The following OTOG variants were observed in gnomAD, a reference collection of about 807,000 sequenced individuals.
OTOG encodes the protein otogelin.
In OTOG, 296 loss-of-function variants were observed where a neutral mutation model predicts 313.8. The observed-to-expected ratio is 0.94, with a 90% CI of 0.86 to 1.04. The LOEUF is 1.04. Ranked by LOEUF, OTOG falls within the 50% of genes least tolerant of loss-of-function variation. The probability of loss-of-function intolerance (pLI) is 0.00; values close to 1 mark genes in which losing one functional copy is unlikely to be tolerated. For missense variants in OTOG, 3,948 were observed against 3,840.1 expected (o/e 1.03, Z -0.74); for synonymous variants, 1,533 against 1,554.9 (o/e 0.99, Z 0.33).
intron 6 of OTOG, 62 bp downstream of exon 6, chr11:17,553,581 G>A: frequency 7.5e-7 from 1 of 1,326,174 alleles, no homozygotes. Context: ...GGCTGCACTG[G>A]CCTGGGCTCT....
chr11:17,608,656 T>C (rs563131859), intron 34 of OTOG, among the ~76,000 whole-genome samples: 2 of 152,370 alleles, frequency 1.3e-5, no homozygotes, highest in South Asian at 4.1e-4. Context: ...GTGCATTCGT[T>C]GTACACAGCT....
At position 17,613,701 on chromosome 11, in the gene OTOG, G is replaced by A; in HGVS notation, c.6528G>A (p.Lys2176=). ...HQVTIDRFNR[K]VTVDLQPVWP... is the part of the protein sequence containing the mutation. ...TCACTATTGATCGCTTCAACCGAAA[G>A]GTGAGTGCATCAAACAGCCAGCCTC... The change falls in exon 39 of 56, where the codon AAG becomes AAA. Residue 2176 remains lysine (K), a splice_region_variant and synonymous_variant. Transcript: ENST00000399397. 1 of 1,550,532 alleles carries A rather than the reference G, an allele frequency of 6.4e-7. No homozygotes were observed. Among genetic ancestry groups the A allele is most frequent in the Non-Finnish European group, 8.7e-7 (1 of 1,146,896 alleles).
intron 15 of OTOG, among the ~76,000 whole-genome samples, chr11:17,563,593 C>T (rs541610275): frequency 1.1e-4 from 16 of 152,338 alleles, no homozygotes; most frequent in Admixed American, 5.2e-4. Flanking sequence ...TGGCATAAGA[C>T]AGACAAGACA....
intron 39 of OTOG, among the ~76,000 whole-genome samples, chr11:17,628,559 C>T: frequency 6.6e-6 from 1 of 152,046 alleles, no homozygotes; most frequent in East Asian, 1.9e-4. Context: ...TGATTGAGCC[C>T]CTATTTATGT....
chr11:17,609,084 C>T (rs1853460515), intron 34 of OTOG, 46 bp from the exon 35 acceptor site: 4 of 1,439,666 alleles, frequency 2.8e-6, no homozygotes, highest in Non-Finnish European at 3.8e-6. Context: ...AGAGATGGCC[C>T]TGCCTGTATT....
At position 17,639,406 on chromosome 11, in the gene OTOG, C is replaced by A; in HGVS notation, c.7895-17C>A. The A allele has an allele frequency of 6.4e-7, 1 of 1,550,618 alleles. No individual in the cohort carries two copies. The highest frequency in any genetic ancestry group is 8.7e-7 in the Non-Finnish European group (1 of 1,146,972). On this transcript the variant is annotated splice_polypyrimidine_tract_variant and intron_variant, in intron 48 of 55. Coordinates refer to ENST00000399397, the MANE Select transcript of OTOG (RefSeq NM_001292063.2). The stretch of plus-strand genomic sequence containing the variant: ...ACATCCCTGATGAAGTGGGGCCTGG[C>A]CCCTTGTGTTTTTCAGAATGTGACT...
chr11:17,552,972 G>A (rs1023836027), intron 4 of OTOG, 147 bp from the exon 5 acceptor site: 7 of 723,232 alleles, frequency 9.7e-6, no homozygotes, highest in Admixed American at 9.2e-5. Flanking sequence ...GTGGTCTGAG[G>A]CACCAGCTTG....
rs1225597011 is a variant in OTOG, at chr11:17,599,684, C to T, written c.3696C>T (p.Asp1232=). 6.4e-7 allele frequency: 1 copy of T among 1,550,582 alleles called. No homozygotes were observed. Among genetic ancestry groups the T allele is most frequent in the Non-Finnish European group, 8.7e-7 (1 of 1,147,016 alleles). The part of the protein sequence containing the change: ...RTPRLCPYDC[D]FFNKVLGKGP... The stretch of plus-strand genomic sequence containing the variant: ...TCTCTCTTTCAGCGTATGACTGTGA[C>T]TTCTTTAACAAAGGTAAGCCCCTCC... The change falls in exon 31 of 56, where the codon GAC becomes GAT. Residue 1232 remains aspartate, a synonymous_variant. Coordinates refer to ENST00000399397, the MANE Select transcript of OTOG (RefSeq NM_001292063.2).
chr11:17,558,474 T>C (rs1852102838), intron 9 of OTOG, 64 bp from the exon 10 acceptor site: 1 of 1,536,650 alleles, frequency 6.5e-7, no homozygotes. Flanking sequence ...CAAGTTGGGG[T>C]TCTGTGTGGG....
In OTOG at chr11:17,609,125, C is replaced by T. The variant is rs1198023070; in HGVS notation, c.4275-5C>T. On this transcript the variant is annotated splice_region_variant and splice_polypyrimidine_tract_variant and intron_variant, in intron 34 of 55. Transcript: ENST00000399397. ...CCTTTAAACTGCTCCCTGCTCTGTC[C>T]TCAGGGTAGAAGGCTGTGTCCCTGT... is the stretch of plus-strand genomic sequence containing the variant. The T allele has an allele frequency of 6.5e-6, 10 of 1,550,076 alleles. No homozygotes were observed. Among genetic ancestry groups the T allele is most frequent in the East Asian group, 2.4e-5 (1 of 40,916 alleles).
chr11:17,549,801 C>T (rs1335133965), intron 3 of OTOG, among the ~76,000 whole-genome samples: 1 of 152,068 alleles, frequency 6.6e-6, no homozygotes, highest in Middle Eastern at 3.2e-3. Context: ...TCACGCTGCT[C>T]CTCAGAGCAA....
intron 9 of OTOG, 94 bp from the exon 10 acceptor site, chr11:17,558,444 C>A: frequency 6.6e-7 from 1 of 1,520,134 alleles, no homozygotes; most frequent in Non-Finnish European, 8.9e-7. Flanking sequence ...CTCTGCCTTC[C>A]TCTCCCTCTC....
Position 17,573,224 on chromosome 11 carries a change from C to T in OTOG, c.2227C>T (p.His743Tyr). The T allele has an allele frequency of 6.5e-7, 1 of 1,536,288 alleles. No homozygotes were observed. The highest frequency in any genetic ancestry group is 8.7e-7 in the Non-Finnish European group (1 of 1,146,210). The change falls in exon 19 of 56, where the codon CAC (histidine) becomes TAC (tyrosine). Residue 743 changes from histidine to tyrosine, a missense_variant. Coordinates refer to ENST00000399397, the MANE Select transcript of OTOG (RefSeq NM_001292063.2). ...GCCCTGCCTGTGCGCCACACTGGCC[C>T]ACTACGCCCACCTGTGCCGGCGCCA... ...GQPCLCATLA[H>Y]YAHLCRRHGL...
At position 17,611,568 on chromosome 11, in the gene OTOG, G is replaced by A. The variant is rs531506933; in HGVS notation, c.6123+145G>A. ...TGAAAAATTCTTCAGTCTCCTATTG[G>A]CCCCTGATGCCATAGCAGGGTTCCG... is the stretch of plus-strand genomic sequence containing the variant. On this transcript the variant is annotated intron_variant, in intron 36 of 55. Coordinates refer to ENST00000399397, the MANE Select transcript of OTOG (RefSeq NM_001292063.2). The A allele has an allele frequency of 6.5e-6, 6 of 919,076 alleles. No homozygotes were observed. In the African/African-American group the frequency reaches 1.0e-4, roughly 15 times the overall value. The allele number at this position is 919,076 out of a possible 1,614,324, so 56.9% of individuals were successfully genotyped here. A position where few individuals can be genotyped will look rare whatever the true frequency, so the allele number is the denominator to read the frequency against.
rs7928233 is a variant in OTOG, at chr11:17,639,576, G to A, written c.7935+113G>A. On this transcript the variant is annotated intron_variant, in intron 49 of 55. Transcript: ENST00000399397. ...AATCTAGTGCAAGGAACCCGGGGTT[G>A]CAAGTCAGCATTCTTTTCCCAAGCT... 0.025 allele frequency: 28,537 copies of A among 1,121,350 alleles called. 2,912 individuals carry two copies. The African/African-American group carries it at 0.28, about 11-fold the overall frequency. The allele number at this position is 1,121,350 out of a possible 1,614,324, so 69.5% of individuals were successfully genotyped here.
At position 17,605,992 on chromosome 11, in the gene OTOG, G is replaced by C; in HGVS notation, c.4013G>C (p.Arg1338Pro). The change falls in exon 33 of 56, where the codon CGG (arginine) becomes CCG (proline). Residue 1338 changes from arginine (R) to proline (P), a missense_variant. Coordinates refer to ENST00000399397, the MANE Select transcript of OTOG (RefSeq NM_001292063.2). ...CAGCATGCCTCCTTCTTGCTGCACC[G>C]GGGGACACGGCAGGCAGGCCTGGTG... Reference protein sequence around the residue: ...FQQHASFLLHRGTRQAGLVAL... With the variant: ...FQQHASFLLHPGTRQAGLVAL... The C allele has an allele frequency of 6.4e-7, 1 of 1,550,576 alleles. No individual in the cohort carries two copies. The highest frequency in any genetic ancestry group is 2.4e-5 in the East Asian group (1 of 40,910).
intron 4 of OTOG, among the ~76,000 whole-genome samples, chr11:17,552,773 T>C (rs1239441254): frequency 6.6e-6 from 1 of 152,208 alleles, no homozygotes; most frequent in Non-Finnish European, 1.5e-5. Context: ...CAGCTGCAGA[T>C]CTCTGGGCAG....
At chr11:17,580,953 G>A (rs1380863757) in intron 23 of OTOG, among the ~76,000 whole-genome samples, 1 of 152,124 alleles carries the variant, frequency 6.6e-6, no homozygotes, top group Non-Finnish European at 1.5e-5. Flanking sequence ...ATGATAATGG[G>A]GTAAAAAGGT....
rs876657554 is a variant in OTOG at position 17,552,090 on chromosome 11, C to T, written c.292+15C>T. On this transcript the variant is annotated intron_variant, in intron 4 of 55. Transcript: ENST00000399397. ...TGCACCATCCTGTAAGTGGCACCTT[C>T]ACTGTGGTCCATGGGTTGTGCATGG... The T allele has an allele frequency of 2.6e-6, 4 of 1,549,614 alleles. No homozygotes were observed. The highest frequency in any genetic ancestry group is 3.5e-6 in the Non-Finnish European group (4 of 1,146,168).
Sources: allele counts gnomAD v4.1 joint callset (sites outside exome capture counted in the v4.1 genomes callset), GRCh38; gene constraint gnomAD v4.1.1; transcripts MANE v1.5; gene names NCBI Gene and HGNC (gene_info 2026-07-23, HGNC 2026-07-21).